Variants in ELOVL6 observed in about 807,000 individuals in gnomAD.
The protein encoded by ELOVL6 is ELOVL fatty acid elongase 6.
ELOVL6 carries 8 observed loss-of-function variants against 31.7 expected under a neutral mutation model. The observed-to-expected ratio is 0.25, with a 90% CI of 0.15 to 0.45. ELOVL6 has a LOEUF of 0.45. Ranked by LOEUF, ELOVL6 falls within the 20% of genes least tolerant of loss-of-function variation. The probability of loss-of-function intolerance (pLI) is 1.00; values close to 1 mark genes in which losing one functional copy is unlikely to be tolerated. For missense variants in ELOVL6, 126 were observed against 326.4 expected (o/e 0.39, Z 4.73); for synonymous variants, 101 against 117.7 (o/e 0.86, Z 0.92).
At chr4:110,084,426 CA>C (rs1303751744) in intron 2 of ELOVL6, among the ~76,000 whole-genome samples, 731 of 67,470 alleles carry the variant, frequency 0.011, 66 homozygotes, top group African/African-American at 0.038. Flanking sequence ...TGATATATCA[CA>C]TATATCATAT....
chr4:110,195,824 C>G (rs888856147), intron 1 of ELOVL6, among the ~76,000 whole-genome samples: 1 of 150,910 alleles, frequency 6.6e-6, no homozygotes, highest in Non-Finnish European at 1.5e-5. Context: ...GCAAAGCACT[C>G]TGCTAGGTGC....
At chr4:110,193,670 A>T (rs1177654850) in intron 1 of ELOVL6, among the ~76,000 whole-genome samples, 5 of 152,238 alleles carry the variant, frequency 3.3e-5, no homozygotes. Context: ...CAAATTTGTG[A>T]ATAAAAAGGC....
intron 1 of ELOVL6, among the ~76,000 whole-genome samples, chr4:110,171,410 A>AT (rs1245879282): frequency 5.5e-5 from 6 of 109,944 alleles, no homozygotes; most frequent in African/African-American, 2.1e-4. Context: ...ACTCCATCTC[A>AT]AAAATAAATA....
rs1344985460 is a variant in ELOVL6 at position 110,084,369 on chromosome 4, G to GATATATACCGCAT, written c.221+21127_221+21128insATGCGGTATATAT. Among the ~76,000 whole-genome samples the GATATATACCGCAT allele has an allele frequency of 6.3e-4, 22 of 34,710 alleles. 3 individuals carry two copies. In the East Asian group the frequency reaches 7.1e-3, roughly 11 times the overall value. 22.8% of individuals were successfully genotyped at this position (34,710 alleles called of 152,430 possible). ...GATATATGATATATACCGCATATAT[G>GATATATACCGCAT]ATATATGATATATATCGCATATATG... On this transcript the variant is annotated intron_variant, in intron 2 of 3. Transcript: ENST00000302274.
chr4:110,087,923 GAGTC>G, intron 2 of ELOVL6, among the ~76,000 whole-genome samples: 1 of 152,106 alleles, frequency 6.6e-6, no homozygotes, highest in South Asian at 2.1e-4. Context: ...TTAACAATTA[GAGTC>G]AATTTGGCTC....
At chr4:110,196,950 A>T (rs1578297588) in intron 1 of ELOVL6, among the ~76,000 whole-genome samples, 1 of 152,162 alleles carries the variant, frequency 6.6e-6, no homozygotes, top group East Asian at 1.9e-4. Flanking sequence ...GGGCTGGAGG[A>T]CAGGAAGTTG....
chr4:110,171,134 G>A (rs1578276891), intron 1 of ELOVL6, among the ~76,000 whole-genome samples: 1 of 152,180 alleles, frequency 6.6e-6, no homozygotes, highest in Admixed American at 6.5e-5. Context: ...TTGGCCAGGC[G>A]CTGTGGCTCA....
chr4:110,095,940 A>G (rs1399692278), intron 2 of ELOVL6, among the ~76,000 whole-genome samples: 3 of 152,222 alleles, frequency 2.0e-5, no homozygotes, highest in Non-Finnish European at 2.9e-5. Flanking sequence ...ACTTCAATGA[A>G]TAAAGGAATA....
chr4:110,108,654 A>G (rs969450868), intron 1 of ELOVL6, among the ~76,000 whole-genome samples: 12 of 152,250 alleles, frequency 7.9e-5, no homozygotes, highest in African/African-American at 2.9e-4. Flanking sequence ...ATAGTCACTC[A>G]CAGTCACACA....
chr4:110,079,394 C>G (rs1755760796), intron 2 of ELOVL6, among the ~76,000 whole-genome samples: 1 of 152,188 alleles, frequency 6.6e-6, no homozygotes, highest in African/African-American at 2.4e-5. Flanking sequence ...AACTGTCTCT[C>G]AGACCACGGT....
chr4:110,084,588 A>ATATATT (rs1553956261), intron 2 of ELOVL6, among the ~76,000 whole-genome samples: 28 of 29,642 alleles, frequency 9.4e-4, no homozygotes, highest in Admixed American at 1.8e-3. Flanking sequence ...ATATATATAT[A>ATATATT]TTTTTTTTTT....
chr4:110,082,718 C>T (rs560127411), intron 2 of ELOVL6, among the ~76,000 whole-genome samples: 12 of 152,228 alleles, frequency 7.9e-5, no homozygotes, highest in Non-Finnish European at 1.6e-4. Context: ...ACATTGTGCA[C>T]ATGTACCCTA....
At chr4:110,124,320 G>A (rs1757434383) in intron 1 of ELOVL6, among the ~76,000 whole-genome samples, 1 of 152,160 alleles carries the variant, frequency 6.6e-6, no homozygotes, top group African/African-American at 2.4e-5. Context: ...GCCCACTAAT[G>A]ATGGACTGGA....
At chr4:110,098,053 C>T (rs568866065) in intron 2 of ELOVL6, among the ~76,000 whole-genome samples, 10 of 152,224 alleles carry the variant, frequency 6.6e-5, no homozygotes, top group African/African-American at 2.4e-4. Context: ...ATTAAATGCA[C>T]AATATCTGAC....
intron 1 of ELOVL6, among the ~76,000 whole-genome samples, chr4:110,141,104 C>T (rs1040807879): frequency 2.0e-5 from 3 of 152,038 alleles, no homozygotes; most frequent in African/African-American, 4.8e-5. Context: ...GTTCTTGTTG[C>T]CCAGGCTGGA....
chr4:110,059,514 G>A, intron 3 of ELOVL6, 89 bp downstream of exon 3: 1 of 1,386,916 alleles, frequency 7.2e-7, no homozygotes, highest in Non-Finnish European at 9.8e-7. Flanking sequence ...AACAAAATAG[G>A]ACCTTCAAAA....
intron 1 of ELOVL6, among the ~76,000 whole-genome samples, chr4:110,113,419 CA>C (rs543969818): frequency 8.6e-5 from 13 of 151,742 alleles, no homozygotes; most frequent in African/African-American, 3.1e-4. Context: ...TCCATCTCTA[CA>C]AAAAAATTAA....
At chr4:110,198,109 A>C (rs1759873540) in intron 1 of ELOVL6, 138 bp downstream of exon 1, 3 of 429,148 alleles carry the variant, frequency 7.0e-6, no homozygotes, top group African/African-American at 2.5e-5. Context: ...CACCCGGGAG[A>C]CCCGAGAACT....
chr4:110,166,854 T>A (rs964658550), intron 1 of ELOVL6, among the ~76,000 whole-genome samples: 1 of 152,238 alleles, frequency 6.6e-6, no homozygotes, highest in Non-Finnish European at 1.5e-5. Context: ...TGATTTTCTA[T>A]ACTATAGTTA....
Sources: gnomAD v4.1 joint callset for allele counts (sites outside exome capture counted in the v4.1 genomes callset) on GRCh38, gnomAD v4.1.1 for gene constraint, MANE v1.5 for transcripts, NCBI Gene and HGNC (gene_info 2026-07-23, HGNC 2026-07-21) for gene names.